NOL10: variants seen among roughly 807,000 people sequenced by gnomAD.
The protein encoded by NOL10 is nucleolar protein 10.
A neutral mutation model predicts 103.5 loss-of-function variants in NOL10; 58 were observed. That is an observed-to-expected ratio of 0.56 (90% CI 0.45 to 0.70). The LOEUF (loss-of-function observed/expected upper bound fraction) is 0.70. Among genes scored for constraint, NOL10 ranks in the 30% least tolerant of loss-of-function variants. NOL10 has a pLI of 0.00. For synonymous variants in NOL10, 287 were observed against 282.5 expected, an observed-to-expected ratio of 1.02 and a Z score of -0.16; for missense variants, 763 against 807.3, an observed-to-expected ratio of 0.95 and a Z score of 0.67.
intron 11 of NOL10, among the ~76,000 whole-genome samples, chr2:10,657,356 T>C (rs544918535): frequency 1.3e-5 from 2 of 152,208 alleles, no homozygotes; most frequent in South Asian, 4.1e-4. Flanking sequence ...ATTTGAGATA[T>C]GTAATAATAC....
chr2:10,674,007 A>G (rs1474102205), intron 4 of NOL10, among the ~76,000 whole-genome samples: 1 of 151,990 alleles, frequency 6.6e-6, no homozygotes. Context: ...ATTGTTTTCA[A>G]TAAACAAAGA....
intron 13 of NOL10, among the ~76,000 whole-genome samples, chr2:10,621,837 C>T (rs1462737679): frequency 6.6e-6 from 1 of 152,174 alleles, no homozygotes; most frequent in African/African-American, 2.4e-5. Flanking sequence ...AATCATTAAA[C>T]TATAATTGAT....
chr2:10,634,127 C>A (rs1435010719), intron 13 of NOL10, among the ~76,000 whole-genome samples: 1 of 152,104 alleles, frequency 6.6e-6, no homozygotes, highest in Non-Finnish European at 1.5e-5. Context: ...CGCACTGGGC[C>A]TGTTTTGTTT....
Position 10,602,783 on chromosome 2 carries a change from T to G in NOL10, c.1325A>C (p.Gln442Pro). 1 of 1,583,150 alleles carries G rather than the reference T, an allele frequency of 6.3e-7. No homozygotes were observed. Among genetic ancestry groups the G allele is most frequent in the Non-Finnish European group, 8.7e-7 (1 of 1,155,314 alleles). ...KIEETRAQRVQLKKLPKVNKE... is the reference protein window; with the variant it reads ...KIEETRAQRVPLKKLPKVNKE... ...GGTAAGTATAATATTTACCTTTAACTGGACTCTCTGTGCACGTGTTTCTTC... is the reference window on the plus strand; with the variant it reads ...GGTAAGTATAATATTTACCTTTAACGGGACTCTCTGTGCACGTGTTTCTTC... The change falls in exon 16 of 21, where the codon CAG becomes CCG. Residue 442 changes from glutamine (Q) to proline (P), a missense_variant. Transcript: ENST00000381685.
Position 10,630,441 on chromosome 2 carries a change from G to A in NOL10, c.1026+13879C>T, listed in dbSNP as rs140762311. Among the ~76,000 whole-genome samples, 9 of 152,278 alleles carry A rather than the reference G, an allele frequency of 5.9e-5. No individual in the cohort carries two copies. The East Asian group carries it at 1.4e-3, about 23-fold the overall frequency. On this transcript the variant is annotated intron_variant, in intron 13 of 20. Transcript: ENST00000381685. ...TAAACAATAACTTGCAGCTGGGCGC[G>A]ATGGCTCACACCTATAATCCCAGCA...
chr2:10,609,431 C>CAAAA (rs60104799), intron 13 of NOL10, among the ~76,000 whole-genome samples: 28 of 111,552 alleles, frequency 2.5e-4, no homozygotes, highest in African/African-American at 8.2e-4. Context: ...ACTAAAAATA[C>CAAAA]AAAAAAAAAA....
intron 13 of NOL10, among the ~76,000 whole-genome samples, chr2:10,615,541 T>C (rs942411449): frequency 1.6e-4 from 25 of 152,212 alleles, no homozygotes; most frequent in African/African-American, 5.8e-4. Context: ...AGAGAGCTTT[T>C]GGTTAATAGT....
chr2:10,660,255 G>A (rs1286510218), intron 9 of NOL10, among the ~76,000 whole-genome samples: 1 of 152,132 alleles, frequency 6.6e-6, no homozygotes, highest in Non-Finnish European at 1.5e-5. Flanking sequence ...ACTCTTCAAA[G>A]TATACTTAAT....
At chr2:10,583,014 G>A (rs1428663908) in intron 19 of NOL10, among the ~76,000 whole-genome samples, 1 of 152,170 alleles carries the variant, frequency 6.6e-6, no homozygotes, top group African/African-American at 2.4e-5. Flanking sequence ...TGCCAGTGAG[G>A]CCATCCGCAT....
chr2:10,683,805 T>A lies in NOL10; in HGVS notation c.112+762A>T, dbSNP rs1681951000. 3.3e-5 allele frequency among the ~76,000 whole-genome samples: 5 copies of A among 152,208 alleles called. No individual in the cohort carries two copies. The South Asian group carries it at 1.0e-3, about 31-fold the overall frequency. On this transcript the variant is annotated intron_variant, in intron 2 of 20. Coordinates refer to ENST00000381685, the MANE Select transcript of NOL10 (RefSeq NM_024894.4). ...CCCAAGAGGGGAACTGGCACAAATATGCTGATGTTCATGCTATCTACTGTG... is the reference window on the plus strand; with the variant it reads ...CCCAAGAGGGGAACTGGCACAAATAAGCTGATGTTCATGCTATCTACTGTG...
chr2:10,644,864 A>G (rs1678944329), intron 12 of NOL10, among the ~76,000 whole-genome samples: 1 of 152,374 alleles, frequency 6.6e-6, no homozygotes, highest in East Asian at 1.9e-4. Flanking sequence ...ATTTGGTACT[A>G]AACTACTTAG....
At chr2:10,679,107 C>T (rs1225902815) in intron 3 of NOL10, among the ~76,000 whole-genome samples, 1 of 151,862 alleles carries the variant, frequency 6.6e-6, no homozygotes, top group Non-Finnish European at 1.5e-5. Context: ...CATCTGTAAT[C>T]CCAGCACTTT....
intron 20 of NOL10, among the ~76,000 whole-genome samples, chr2:10,577,068 G>T (rs12473787): frequency 1.3e-5 from 2 of 151,898 alleles, no homozygotes; most frequent in Non-Finnish European, 1.5e-5. Context: ...CAATGTGACA[G>T]GTATTATTAC....
chr2:10,615,768 C>T (rs944910203), intron 13 of NOL10, among the ~76,000 whole-genome samples: 5 of 151,932 alleles, frequency 3.3e-5, no homozygotes, highest in African/African-American at 7.3e-5. Context: ...GCATGGGGGA[C>T]GACAGGATGA....
chr2:10,669,507 C>CAT (rs199871666), intron 6 of NOL10, among the ~76,000 whole-genome samples: 3 of 92,876 alleles, frequency 3.2e-5, no homozygotes, highest in African/African-American at 1.3e-4. Flanking sequence ...TACACACACA[C>CAT]ATATATACAC....
chr2:10,602,297 T>G (rs1158159449), intron 16 of NOL10, among the ~76,000 whole-genome samples: 1 of 152,234 alleles, frequency 6.6e-6, no homozygotes, highest in Non-Finnish European at 1.5e-5. Flanking sequence ...CCTTTAGCAG[T>G]TCTGTCTTTT....
intron 13 of NOL10, among the ~76,000 whole-genome samples, chr2:10,617,099 C>T (rs971158049): frequency 1.3e-5 from 2 of 152,260 alleles, no homozygotes; most frequent in African/African-American, 4.8e-5. Context: ...GTATGACAGA[C>T]AGAGACTGGT....
At chr2:10,598,661 G>A (rs1675822416) in intron 17 of NOL10, among the ~76,000 whole-genome samples, 1 of 152,180 alleles carries the variant, frequency 6.6e-6, no homozygotes, top group African/African-American at 2.4e-5. Flanking sequence ...AAGAGCAAAG[G>A]ATGAAACATC....
In NOL10 at chr2:10,635,573, G is replaced by A. The variant is rs531740458; in HGVS notation, c.1026+8747C>T. Among the ~76,000 whole-genome samples, 16 of 152,272 alleles carry A rather than the reference G, an allele frequency of 1.1e-4. No homozygotes were observed. In the East Asian group the frequency reaches 3.1e-3, roughly 29 times the overall value. On this transcript the variant is annotated intron_variant, in intron 13 of 20. Transcript: ENST00000381685. ...CATAAAAAAGAGACTGATACAAAGT[G>A]CCTGACCCTTGACTTAGGGAAAATG...
Sources: gnomAD v4.1 joint callset for allele counts (sites outside exome capture counted in the v4.1 genomes callset) on GRCh38, gnomAD v4.1.1 for gene constraint, MANE v1.5 for transcripts, NCBI Gene and HGNC (gene_info 2026-07-23, HGNC 2026-07-21) for gene names.